Variants in CSMD1 observed in about 807,000 individuals in gnomAD.
CSMD1 encodes CUB and Sushi multiple domains 1.
CSMD1 carries 213 observed loss-of-function variants against 417.5 expected under a neutral mutation model. The observed-to-expected ratio is 0.51, with a 90% CI of 0.46 to 0.57. CSMD1 has a LOEUF of 0.57. CSMD1 is among the 20% of genes least tolerant of loss of function. The pLI is 0.00. For missense variants in CSMD1, 6,923 were observed against 4,529.7 expected, an observed-to-expected ratio of 1.53 and a Z score of -15.17; for synonymous variants, 2,862 against 1,736.8, an observed-to-expected ratio of 1.65 and a Z score of -16.11.
At chr8:3,975,202 T>C (rs926759602) in intron 5 of CSMD1, among the ~76,000 whole-genome samples, 6 of 152,308 alleles carry the variant, frequency 3.9e-5, no homozygotes, top group Non-Finnish European at 8.8e-5. Context: ...TACGATGTTA[T>C]TGTTACATAA....
intron 49 of CSMD1, among the ~76,000 whole-genome samples, chr8:3,065,153 T>A (rs1585260607): frequency 6.6e-6 from 1 of 152,030 alleles, no homozygotes; most frequent in Non-Finnish European, 1.5e-5. Flanking sequence ...AAGCAAATAA[T>A]GTGTCTATCA....
chr8:4,301,505 A>G (rs1006259852), intron 3 of CSMD1, among the ~76,000 whole-genome samples: 2 of 152,124 alleles, frequency 1.3e-5, no homozygotes, highest in Admixed American at 1.3e-4. Context: ...TCTCTATTGA[A>G]AGCTCTACTC....
chr8:4,774,932 T>C lies in CSMD1; in HGVS notation c.86-137374A>G, dbSNP rs115096023. On this transcript the variant is annotated intron_variant, in intron 1 of 69. Transcript: ENST00000635120. ...AGGCAGCTTCCAGCATGATGTTCTC[T>C]GTACAGCCTGCAAAACCTTGAGCAA... is the stretch of plus-strand genomic sequence containing the variant. Among the ~76,000 whole-genome samples the C allele has an allele frequency of 1.1e-3, 168 of 152,314 alleles. No individual in the cohort carries two copies. In the Middle Eastern group the frequency reaches 0.017, roughly 15 times the overall value.
intron 3 of CSMD1, among the ~76,000 whole-genome samples, chr8:4,193,950 G>A (rs538369660): frequency 8.6e-5 from 13 of 151,886 alleles, no homozygotes; most frequent in South Asian, 2.1e-4. Flanking sequence ...TGGGGCTGCA[G>A]GTAATTTATA....
At chr8:4,165,899 C>G (rs1226193480) in intron 3 of CSMD1, among the ~76,000 whole-genome samples, 3 of 152,218 alleles carry the variant, frequency 2.0e-5, no homozygotes, top group African/African-American at 7.2e-5. Flanking sequence ...CTGTGCCTAG[C>G]ACAGTATCAG....
chr8:4,006,958 G>A (rs1456494486), intron 4 of CSMD1, among the ~76,000 whole-genome samples: 1 of 150,670 alleles, frequency 6.6e-6, no homozygotes, highest in Non-Finnish European at 1.5e-5. Flanking sequence ...CTCACGAGTA[G>A]CTGGGACTAC....
intron 7 of CSMD1, among the ~76,000 whole-genome samples, chr8:3,671,000 G>GTA (rs1393920038): frequency 0.34 from 34,935 of 101,746 alleles, 7,610 homozygotes; most frequent in Admixed American, 0.42. Flanking sequence ...GGATATATAT[G>GTA]TATGGGATAT....
intron 2 of CSMD1, among the ~76,000 whole-genome samples, chr8:4,429,351 G>A (rs552948573): frequency 2.6e-5 from 4 of 152,024 alleles, no homozygotes; most frequent in African/African-American, 7.2e-5. Context: ...TGTATACATA[G>A]ATATACACAC....
chr8:4,944,153 A>G (rs2117251018), intron 1 of CSMD1, among the ~76,000 whole-genome samples: 1 of 152,296 alleles, frequency 6.6e-6, no homozygotes, highest in Non-Finnish European at 1.5e-5. Context: ...ATATCTTGGA[A>G]GTCTCATGAA....
intron 1 of CSMD1, among the ~76,000 whole-genome samples, chr8:4,924,134 A>T (rs959675806): frequency 6.6e-6 from 1 of 152,204 alleles, no homozygotes; most frequent in Admixed American, 6.5e-5. Context: ...CAGGCTCACA[A>T]ATAAACATCC....
intron 23 of CSMD1, among the ~76,000 whole-genome samples, chr8:3,340,145 G>A (rs1178935755): frequency 2.0e-5 from 3 of 152,130 alleles, no homozygotes; most frequent in African/African-American, 7.2e-5. Flanking sequence ...AAGTTCATCA[G>A]CAATTCTGGT....
In CSMD1 at chr8:3,909,474, G is replaced by A. The variant is rs368137092; in HGVS notation, c.818+88429C>T. Reference sequence around the variant, plus strand: ...CACGGCGTGCTCCTGAGACAGCAGTGCGGAAATATCCAGAGAGCTTTCTCC... The same window carrying A: ...CACGGCGTGCTCCTGAGACAGCAGTACGGAAATATCCAGAGAGCTTTCTCC... On this transcript the variant is annotated intron_variant, in intron 5 of 69. Coordinates refer to ENST00000635120, the MANE Select transcript of CSMD1 (RefSeq NM_033225.6). Among the ~76,000 whole-genome samples, 8 of 152,130 alleles carry A rather than the reference G, an allele frequency of 5.3e-5. No individual in the cohort carries two copies. In the East Asian group the frequency reaches 1.4e-3, roughly 26 times the overall value.
chr8:4,609,449 C>A (rs1801053132), intron 2 of CSMD1, among the ~76,000 whole-genome samples: 1 of 152,096 alleles, frequency 6.6e-6, no homozygotes, highest in Non-Finnish European at 1.5e-5. Flanking sequence ...TCATTCCTAG[C>A]TGGGGTATTT....
intron 2 of CSMD1, among the ~76,000 whole-genome samples, chr8:4,430,986 C>G (rs183034355): frequency 1.3e-5 from 2 of 152,112 alleles, no homozygotes; most frequent in Admixed American, 1.3e-4. Flanking sequence ...TTTCTCCCCT[C>G]AGTTATGCCA....
At chr8:4,450,443 G>A (rs916110970) in intron 2 of CSMD1, among the ~76,000 whole-genome samples, 3 of 152,094 alleles carry the variant, frequency 2.0e-5, no homozygotes, top group Non-Finnish European at 2.9e-5. Flanking sequence ...TTGGCCAACA[G>A]GGTGAAACCT....
At chr8:3,570,933 G>T (rs908237539) in intron 10 of CSMD1, among the ~76,000 whole-genome samples, 3 of 152,102 alleles carry the variant, frequency 2.0e-5, no homozygotes, top group Non-Finnish European at 4.4e-5. Context: ...GTATGTGTAG[G>T]AAAATAATAG....
intron 3 of CSMD1, among the ~76,000 whole-genome samples, chr8:4,345,796 A>C (rs1354469906): frequency 1.3e-5 from 2 of 152,002 alleles, no homozygotes; most frequent in Non-Finnish European, 1.5e-5. Context: ...CTTCCACAAA[A>C]CCAGTCTGTG....
At chr8:4,255,230 T>C (rs1003425768) in intron 3 of CSMD1, among the ~76,000 whole-genome samples, 2 of 152,178 alleles carry the variant, frequency 1.3e-5, no homozygotes, top group East Asian at 3.9e-4. Flanking sequence ...GCAGTCCCTA[T>C]GGATTTGACT....
chr8:3,531,996 C>T (rs536819090), intron 10 of CSMD1, among the ~76,000 whole-genome samples: 3 of 152,266 alleles, frequency 2.0e-5, no homozygotes, highest in Admixed American at 6.5e-5. Context: ...AGATTCATGC[C>T]CTATGCAGAT....
Sources: gnomAD v4.1 joint callset for allele counts (sites outside exome capture counted in the v4.1 genomes callset) on GRCh38, gnomAD v4.1.1 for gene constraint, MANE v1.5 for transcripts, NCBI Gene and HGNC (gene_info 2026-07-23, HGNC 2026-07-21) for gene names.